NAALADL2: variants seen among roughly 807,000 people sequenced by gnomAD.
NAALADL2 encodes inactive N-acetylated-alpha-linked acidic dipeptidase-like protein 2.
A neutral mutation model predicts 87.2 loss-of-function variants in NAALADL2; 76 were observed. The observed-to-expected ratio is 0.87, with a 90% CI of 0.72 to 1.05. The LOEUF (loss-of-function observed/expected upper bound fraction) is 1.05, where lower values mean the gene tolerates loss of function less well. Ranked by LOEUF, NAALADL2 falls within the 50% of genes least tolerant of loss-of-function variation. The pLI, the probability that NAALADL2 is intolerant of heterozygous loss-of-function variation, is 0.00. For missense variants in NAALADL2, 1,089 were observed against 945.8 expected, an observed-to-expected ratio of 1.15 and a Z score of -1.99; for synonymous variants, 354 against 331.0, an observed-to-expected ratio of 1.07 and a Z score of -0.75.
intron 3 of NAALADL2, among the ~76,000 whole-genome samples, chr3:174,841,962 T>G (rs1306270064): frequency 2.6e-5 from 4 of 152,168 alleles, no homozygotes; most frequent in Non-Finnish European, 5.9e-5. Flanking sequence ...TAATTAGTCA[T>G]ATATATCTGT....
intron 1 of NAALADL2, among the ~76,000 whole-genome samples, chr3:174,537,922 G>A (rs1721876112): frequency 6.6e-6 from 1 of 152,042 alleles, no homozygotes; most frequent in Non-Finnish European, 1.5e-5. Flanking sequence ...CTATATAAAT[G>A]GAATATATTT....
intron 1 of NAALADL2, among the ~76,000 whole-genome samples, chr3:174,441,346 C>G (rs1040431024): frequency 1.2e-4 from 19 of 152,214 alleles, no homozygotes; most frequent in Non-Finnish European, 4.4e-5. Context: ...CCCCCGCCCA[C>G]CTCCCGAAGC....
chr3:174,653,190 T>A (rs1256424962), intron 2 of NAALADL2, among the ~76,000 whole-genome samples: 2 of 152,162 alleles, frequency 1.3e-5, no homozygotes, highest in African/African-American at 2.4e-5. Context: ...CATACATATT[T>A]TTCCTAAATG....
intron 1 of NAALADL2, among the ~76,000 whole-genome samples, chr3:174,955,957 T>A (rs1273400217): frequency 6.6e-6 from 1 of 152,078 alleles, no homozygotes; most frequent in African/African-American, 2.4e-5. Context: ...TTGGTGCCAA[T>A]CTTATTGGAT....
chr3:175,067,427 G>A (rs765312690), intron 1 of NAALADL2, among the ~76,000 whole-genome samples: 22 of 152,002 alleles, frequency 1.4e-4, no homozygotes, highest in Non-Finnish European at 2.8e-4. Context: ...ATTAAAAGGT[G>A]GGCAAAGGAC....
chr3:174,707,559 C>T (rs1444085118), intron 2 of NAALADL2, among the ~76,000 whole-genome samples: 1 of 149,626 alleles, frequency 6.7e-6, no homozygotes, highest in African/African-American at 2.5e-5. Context: ...GAAAACCAAA[C>T]ACCGCATGTT....
intron 11 of NAALADL2, among the ~76,000 whole-genome samples, chr3:175,682,049 T>C (rs184193976): frequency 1.4e-4 from 22 of 152,214 alleles, no homozygotes; most frequent in African/African-American, 4.8e-4. Context: ...AAAATCCCAT[T>C]ATAACTTCAG....
intron 1 of NAALADL2, among the ~76,000 whole-genome samples, chr3:175,078,539 G>T (rs993377520): frequency 3.3e-5 from 5 of 151,956 alleles, no homozygotes; most frequent in African/African-American, 1.2e-4. Flanking sequence ...ACATTTCATC[G>T]TACCAAAAAT....
chr3:174,690,727 G>T (rs911814221), intron 2 of NAALADL2, among the ~76,000 whole-genome samples: 1 of 152,080 alleles, frequency 6.6e-6, no homozygotes, highest in Non-Finnish European at 1.5e-5. Flanking sequence ...AAAAGGGTAG[G>T]AGCACTCCAC....
At chr3:175,502,476 T>C (rs183633637) in intron 9 of NAALADL2, among the ~76,000 whole-genome samples, 9 of 152,250 alleles carry the variant, frequency 5.9e-5, no homozygotes, top group Admixed American at 5.9e-4. Context: ...TTTTCCAGCT[T>C]TGAGAATTGA....
At chr3:175,499,383 A>T (rs1470928363) in intron 9 of NAALADL2, among the ~76,000 whole-genome samples, 1 of 152,092 alleles carries the variant, frequency 6.6e-6, no homozygotes, top group Non-Finnish European at 1.5e-5. Context: ...CTAGCGTAAG[A>T]GTCTCTTAAT....
chr3:175,055,580 G>A lies in NAALADL2; in HGVS notation c.44-41210G>A, dbSNP rs1216489927. ...TCGGAAATGCCCCAGTTTGGAATGG[G>A]GCCTGGGCCAGGCTCCTCATGGCGT... is the stretch of plus-strand genomic sequence containing the variant. On this transcript the variant is annotated intron_variant, in intron 1 of 13. Coordinates refer to ENST00000454872, the MANE Select transcript of NAALADL2 (RefSeq NM_207015.3). 3.3e-5 allele frequency among the ~76,000 whole-genome samples: 5 copies of A among 152,170 alleles called. No individual in the cohort carries two copies. The East Asian group carries it at 9.7e-4, about 29-fold the overall frequency.
At chr3:175,460,305 G>T (rs571207751) in intron 6 of NAALADL2, 2 of 417,838 alleles carry the variant, frequency 4.8e-6, no homozygotes, top group Non-Finnish European at 9.5e-6. Context: ...TGTGAGTATG[G>T]AATAATATAA....
At chr3:175,297,298 C>T (rs565580070) in intron 4 of NAALADL2, among the ~76,000 whole-genome samples, 6 of 152,108 alleles carry the variant, frequency 3.9e-5, no homozygotes, top group Admixed American at 2.0e-4. Context: ...TTTATTTAGC[C>T]GTGTTAGTAC....
chr3:174,896,386 A>C (rs79112679), intron 1 of NAALADL2, among the ~76,000 whole-genome samples: 1 of 152,300 alleles, frequency 6.6e-6, no homozygotes, highest in East Asian at 1.9e-4. Context: ...ATGATGAACA[A>C]TGTTAAAAAG....
At chr3:175,555,384 T>C (rs972623287) in intron 9 of NAALADL2, among the ~76,000 whole-genome samples, 3 of 152,192 alleles carry the variant, frequency 2.0e-5, no homozygotes, top group African/African-American at 7.2e-5. Flanking sequence ...ACTAACCTCT[T>C]TGCTATTGCC....
At chr3:175,201,614 T>TC (rs1053172555) in intron 2 of NAALADL2, among the ~76,000 whole-genome samples, 12 of 152,278 alleles carry the variant, frequency 7.9e-5, no homozygotes, top group African/African-American at 2.6e-4. Context: ...ACACTGTTGC[T>TC]CCAAGAACAG....
chr3:175,765,504 T>A (rs921704052), intron 13 of NAALADL2, among the ~76,000 whole-genome samples: 8 of 152,248 alleles, frequency 5.3e-5, no homozygotes, highest in Admixed American at 4.6e-4. Context: ...AAAACTTGTT[T>A]TAAAAATTTC....
chr3:175,134,446 T>C (rs975435766), intron 2 of NAALADL2, among the ~76,000 whole-genome samples: 5 of 152,316 alleles, frequency 3.3e-5, no homozygotes, highest in African/African-American at 9.6e-5. Context: ...GGGGTCCTTT[T>C]TCATGACTGT....
Sources: gnomAD v4.1 joint callset for allele counts (sites outside exome capture counted in the v4.1 genomes callset) on GRCh38, gnomAD v4.1.1 for gene constraint, MANE v1.5 for transcripts, NCBI Gene and HGNC (gene_info 2026-07-23, HGNC 2026-07-21) for gene names.